Variants in SCAPER observed in about 807,000 individuals in gnomAD.
SCAPER encodes S phase cyclin A-associated protein in the endoplasmic reticulum.
A neutral mutation model predicts 182.2 loss-of-function variants in SCAPER; 98 were observed. That is an observed-to-expected ratio of 0.54 (90% CI 0.46 to 0.64). The LOEUF is 0.64. SCAPER is among the 30% of genes least tolerant of loss of function. The pLI is 0.00. For missense variants in SCAPER, 1,432 were observed against 1,690.0 expected, an observed-to-expected ratio of 0.85 and a Z score of 2.68; for synonymous variants, 605 against 564.6, an observed-to-expected ratio of 1.07 and a Z score of -1.01.
intron 17 of SCAPER, among the ~76,000 whole-genome samples, chr15:76,708,951 A>AATGAT (rs1472856698): frequency 6.6e-6 from 1 of 152,006 alleles, no homozygotes; most frequent in Non-Finnish European, 1.5e-5. Flanking sequence ...CTATCATCCC[A>AATGAT]GCTACTTGGC....
intron 23 of SCAPER, among the ~76,000 whole-genome samples, chr15:76,506,521 G>A (rs957180208): frequency 6.6e-6 from 1 of 152,052 alleles, no homozygotes; most frequent in Non-Finnish European, 1.5e-5. Flanking sequence ...TGAGAATAAT[G>A]GGGGAATCAA....
intron 5 of SCAPER, among the ~76,000 whole-genome samples, chr15:76,838,549 C>G (rs1000633223): frequency 6.6e-6 from 1 of 152,114 alleles, no homozygotes; most frequent in African/African-American, 2.4e-5. Context: ...GAACTCCTTT[C>G]AAGGCATACT....
intron 25 of SCAPER, among the ~76,000 whole-genome samples, chr15:76,443,592 T>A (rs1024433242): frequency 1.1e-4 from 17 of 152,216 alleles, no homozygotes; most frequent in African/African-American, 4.1e-4. Flanking sequence ...AAAGAATTCA[T>A]TTTGTGCTCT....
In SCAPER at chr15:76,533,732, G is replaced by A. The variant is rs73446219; in HGVS notation, c.2839-28758C>T. Reference sequence around the variant, plus strand: ...TGAGTAAATGCCTGAAATTGAAACAGTCTTTAACTGGCTGTAATAGTTGAC... The same window carrying A: ...TGAGTAAATGCCTGAAATTGAAACAATCTTTAACTGGCTGTAATAGTTGAC... On this transcript the variant is annotated intron_variant, in intron 23 of 31. Coordinates refer to ENST00000563290, the MANE Select transcript of SCAPER (RefSeq NM_020843.4). Among the ~76,000 whole-genome samples, 662 of 143,006 alleles carry A rather than the reference G, an allele frequency of 4.6e-3. 7 individuals carry two copies. The highest frequency in any genetic ancestry group is 0.017 in the African/African-American group (630 of 36,124). 93.8% of individuals were successfully genotyped at this position (143,006 alleles called of 152,430 possible).
intron 15 of SCAPER, among the ~76,000 whole-genome samples, chr15:76,751,407 C>T (rs1300986943): frequency 1.3e-5 from 2 of 151,462 alleles, no homozygotes; most frequent in Non-Finnish European, 3.0e-5. Context: ...CTCAAGGGAC[C>T]CCAAATAACC....
In SCAPER at chr15:76,359,596, GTGT is replaced by G. The variant is rs1321202449; in HGVS notation, c.3856-5459_3856-5457del. Among the ~76,000 whole-genome samples, 3 of 152,334 alleles carry G rather than the reference GTGT, an allele frequency of 2.0e-5. No individual in the cohort carries two copies. In the East Asian group the frequency reaches 5.8e-4, roughly 29 times the overall value. On this transcript the variant is annotated intron_variant, in intron 29 of 31. Coordinates refer to ENST00000563290, the MANE Select transcript of SCAPER (RefSeq NM_020843.4). ...AGGAAGAGCAAAAGCTAATAGGCTG[GTGT>G]TGTGGGCTCCTGATTGAGAGCAAGG... is the stretch of plus-strand genomic sequence containing the variant.
chr15:76,888,039 T>TTTG (rs1190345601), intron 1 of SCAPER, among the ~76,000 whole-genome samples: 1 of 152,312 alleles, frequency 6.6e-6, no homozygotes, highest in East Asian at 1.9e-4. Flanking sequence ...GCAAACAGTG[T>TTTG]CTGGAGTGGA....
At chr15:76,489,375 T>C (rs1320485236) in intron 24 of SCAPER, among the ~76,000 whole-genome samples, 1 of 151,624 alleles carries the variant, frequency 6.6e-6, no homozygotes, top group Non-Finnish European at 1.5e-5. Flanking sequence ...TGCATTCAGT[T>C]GTGAAACCAC....
At chr15:76,591,746 TAA>T (rs893496756) in intron 22 of SCAPER, among the ~76,000 whole-genome samples, 2 of 152,174 alleles carry the variant, frequency 1.3e-5, no homozygotes, top group African/African-American at 4.8e-5. Flanking sequence ...AATATATATA[TAA>T]GTTTCTACAA....
At chr15:76,696,032 G>A (rs2058640815) in intron 20 of SCAPER, among the ~76,000 whole-genome samples, 1 of 152,190 alleles carries the variant, frequency 6.6e-6, no homozygotes, top group Non-Finnish European at 1.5e-5. Context: ...CATTTGACTT[G>A]ATTTCCTGTT....
At chr15:76,788,178 A>G (rs1764146033) in intron 8 of SCAPER, among the ~76,000 whole-genome samples, 1 of 152,076 alleles carries the variant, frequency 6.6e-6, no homozygotes. Context: ...AAAACACCAC[A>G]CGGCCGTGGA....
chr15:76,829,428 C>T (rs557928507), intron 5 of SCAPER, among the ~76,000 whole-genome samples: 2 of 152,166 alleles, frequency 1.3e-5, no homozygotes, highest in East Asian at 3.9e-4. Context: ...GTAAACCTAA[C>T]ACTATCTATA....
chr15:76,557,355 T>G (rs1445097945), intron 23 of SCAPER, among the ~76,000 whole-genome samples: 1 of 152,180 alleles, frequency 6.6e-6, no homozygotes, highest in East Asian at 1.9e-4. Context: ...CCAGCTTCAA[T>G]CTATGCTACA....
At chr15:76,504,445 T>G (rs2041408194) in intron 24 of SCAPER, among the ~76,000 whole-genome samples, 2 of 152,240 alleles carry the variant, frequency 1.3e-5, no homozygotes, top group Admixed American at 1.3e-4. Flanking sequence ...CTCTGACTGC[T>G]CTTCCTGTAT....
intron 14 of SCAPER, among the ~76,000 whole-genome samples, chr15:76,757,884 G>A (rs950306056): frequency 3.9e-5 from 6 of 152,096 alleles, no homozygotes; most frequent in African/African-American, 1.4e-4. Context: ...CCATGTACCT[G>A]TTAGCCTTTT....
intron 22 of SCAPER, among the ~76,000 whole-genome samples, chr15:76,584,241 G>C (rs994054503): frequency 6.6e-6 from 1 of 150,378 alleles, no homozygotes; most frequent in African/African-American, 2.5e-5. Context: ...CATGGAGATA[G>C]AGAGTAGATC....
intron 24 of SCAPER, among the ~76,000 whole-genome samples, chr15:76,502,371 A>G (rs1597066770): frequency 6.6e-6 from 1 of 152,156 alleles, no homozygotes; most frequent in Admixed American, 6.5e-5. Context: ...GCACATATAC[A>G]CCGTGGAATA....
intron 21 of SCAPER, among the ~76,000 whole-genome samples, chr15:76,645,476 C>T (rs2054468968): frequency 6.6e-6 from 1 of 151,904 alleles, no homozygotes; most frequent in Non-Finnish European, 1.5e-5. Context: ...CATAAATATT[C>T]CATCTTAGCA....
Position 76,715,080 on chromosome 15 carries a change from C to T in SCAPER, c.2166-9096G>A, listed in dbSNP as rs535555012. On this transcript the variant is annotated intron_variant, in intron 17 of 31. Transcript: ENST00000563290. ...AGAGGTGTTGAATTCTAGTTGTTAGCGCACCCTCCTCTTAAACTGAACAGA... is the reference window on the plus strand; with the variant it reads ...AGAGGTGTTGAATTCTAGTTGTTAGTGCACCCTCCTCTTAAACTGAACAGA... Among the ~76,000 whole-genome samples the T allele has an allele frequency of 1.2e-4, 18 of 152,146 alleles. No individual in the cohort carries two copies. The East Asian group carries it at 1.5e-3, about 13-fold the overall frequency.
Sources: allele counts gnomAD v4.1 joint callset (sites outside exome capture counted in the v4.1 genomes callset), GRCh38; gene constraint gnomAD v4.1.1; transcripts MANE v1.5; gene names NCBI Gene and HGNC (gene_info 2026-07-23, HGNC 2026-07-21).